The following ZNF704 variants were observed in gnomAD, a reference collection of about 807,000 sequenced individuals.
The protein encoded by ZNF704 is zinc finger protein 704, also known as glucocorticoid induced gene 1.
A neutral mutation model predicts 44.7 loss-of-function variants in ZNF704; 10 were observed. That is an observed-to-expected ratio of 0.22 (90% CI 0.14 to 0.38). ZNF704 has a LOEUF of 0.38. ZNF704 is among the 10% of genes least tolerant of loss of function. The pLI, the probability that ZNF704 is intolerant of heterozygous loss-of-function variation, is 1.00. For missense variants in ZNF704, 390 were observed against 545.5 expected, an observed-to-expected ratio of 0.71 and a Z score of 2.84; for synonymous variants, 211 against 207.6, an observed-to-expected ratio of 1.02 and a Z score of -0.14.
intron 2 of ZNF704, among the ~76,000 whole-genome samples, chr8:80,784,090 T>C (rs1807577095): frequency 6.6e-6 from 1 of 152,226 alleles, no homozygotes; most frequent in African/African-American, 2.4e-5. Context: ...ATATGTCTTT[T>C]TGTGGCTTGA....
Position 80,863,773 on chromosome 8 carries a change from T to C in ZNF704, c.-22+10798A>G, listed in dbSNP as rs191196869. On this transcript the variant is annotated intron_variant, in intron 1 of 8. Transcript: ENST00000327835. ...TTAATCCCTTTACTTGTAATAGCAA[T>C]AGCGTTGACAGAAAATGTATCAGTC... Among the ~76,000 whole-genome samples, 3 of 152,326 alleles carry C rather than the reference T, an allele frequency of 2.0e-5. No homozygotes were observed. The East Asian group carries it at 5.8e-4, about 29-fold the overall frequency.
chr8:80,693,383 C>A (rs1184628258), intron 2 of ZNF704, among the ~76,000 whole-genome samples: 1 of 152,238 alleles, frequency 6.6e-6, no homozygotes, highest in East Asian at 1.9e-4. Context: ...TCTGTTCTAG[C>A]CACGAGTGAT....
At chr8:80,706,444 G>C (rs1401241519) in intron 2 of ZNF704, among the ~76,000 whole-genome samples, 1 of 152,036 alleles carries the variant, frequency 6.6e-6, no homozygotes. Context: ...CATTATGTTG[G>C]CAACAGACTG....
intron 2 of ZNF704, among the ~76,000 whole-genome samples, chr8:80,710,720 A>G (rs1018748537): frequency 2.0e-5 from 3 of 152,184 alleles, no homozygotes; most frequent in Non-Finnish European, 4.4e-5. Context: ...ACCTTCAACC[A>G]AAAACTGAAT....
chr8:80,710,249 A>G (rs1184877126), intron 2 of ZNF704, among the ~76,000 whole-genome samples: 1 of 151,966 alleles, frequency 6.6e-6, no homozygotes, highest in East Asian at 1.9e-4. Flanking sequence ...CCCAGGGTAT[A>G]ATCAACCTCT....
intron 1 of ZNF704, among the ~76,000 whole-genome samples, chr8:80,838,095 T>TC (rs1406251363): frequency 6.6e-6 from 1 of 152,042 alleles, no homozygotes; most frequent in East Asian, 1.9e-4. Flanking sequence ...TACTCTGAGC[T>TC]CCCCATCCTC....
intron 7 of ZNF704, among the ~76,000 whole-genome samples, chr8:80,655,507 T>C (rs1818000273): frequency 6.6e-6 from 1 of 152,142 alleles, no homozygotes; most frequent in South Asian, 2.1e-4. Context: ...CATTATACAG[T>C]GCTTAGACAC....
At chr8:80,688,927 C>G (rs936616586) in intron 3 of ZNF704, among the ~76,000 whole-genome samples, 27 of 147,628 alleles carry the variant, frequency 1.8e-4, no homozygotes, top group African/African-American at 6.3e-4. Flanking sequence ...CCACTGCACT[C>G]CAGCCTGGGC....
At chr8:80,667,243 C>T (rs970675137) in intron 5 of ZNF704, among the ~76,000 whole-genome samples, 3 of 152,150 alleles carry the variant, frequency 2.0e-5, no homozygotes, top group African/African-American at 2.4e-5. Flanking sequence ...CAGCCCACGG[C>T]GATGGCTTTG....
In ZNF704 at chr8:80,654,593, T is replaced by C. The variant is rs1248263827; in HGVS notation, c.1032+4992A>G. Among the ~76,000 whole-genome samples, 8 of 152,096 alleles carry C rather than the reference T, an allele frequency of 5.3e-5. No homozygotes were observed. In the East Asian group the frequency reaches 5.8e-4, roughly 11 times the overall value. On this transcript the variant is annotated intron_variant, in intron 7 of 8. Transcript: ENST00000327835. ...CGGCCAAAAGACACATGAAAAAATG[T>C]TCATCATCACTGGCCATCAGAGAAA...
chr8:80,854,522 T>A (rs1380188842), intron 1 of ZNF704, among the ~76,000 whole-genome samples: 1 of 152,214 alleles, frequency 6.6e-6, no homozygotes, highest in Non-Finnish European at 1.5e-5. Context: ...AAAAGACTTG[T>A]AAGATAGCAA....
chr8:80,814,637 T>TGA (rs934311385), intron 2 of ZNF704, among the ~76,000 whole-genome samples: 7 of 152,236 alleles, frequency 4.6e-5, no homozygotes, highest in African/African-American at 1.4e-4. Context: ...TTCTCTAACA[T>TGA]GAGTGAGTAC....
chr8:80,741,285 C>T (rs568680583), intron 2 of ZNF704, among the ~76,000 whole-genome samples: 1 of 152,282 alleles, frequency 6.6e-6, no homozygotes, highest in South Asian at 2.1e-4. Flanking sequence ...AGGCCCTAAC[C>T]CAAGCCCCAG....
intron 2 of ZNF704, among the ~76,000 whole-genome samples, chr8:80,725,142 G>T (rs760651515): frequency 2.0e-5 from 3 of 152,134 alleles, no homozygotes; most frequent in Non-Finnish European, 2.9e-5. Context: ...AAATGTTAGG[G>T]CACTTAAATA....
intron 2 of ZNF704, among the ~76,000 whole-genome samples, chr8:80,766,050 C>T (rs1807221877): frequency 6.6e-6 from 1 of 152,092 alleles, no homozygotes; most frequent in Non-Finnish European, 1.5e-5. Context: ...CCAATTACTA[C>T]TCCTTCTCTT....
intron 2 of ZNF704, among the ~76,000 whole-genome samples, chr8:80,709,485 A>G (rs2131656934): frequency 6.9e-6 from 1 of 145,180 alleles, no homozygotes; most frequent in East Asian, 2.0e-4. Context: ...CAGTAATGGC[A>G]TGTCAGTTTG....
At chr8:80,811,594 G>C (rs748569833) in intron 2 of ZNF704, among the ~76,000 whole-genome samples, 38 of 152,202 alleles carry the variant, frequency 2.5e-4, no homozygotes, top group Non-Finnish European at 4.6e-4. Context: ...GGCACAGTTA[G>C]TGGCTATCGA....
At chr8:80,764,764 T>C (rs1807199057) in intron 2 of ZNF704, among the ~76,000 whole-genome samples, 1 of 152,214 alleles carries the variant, frequency 6.6e-6, no homozygotes, top group East Asian at 1.9e-4. Context: ...TTTTAAACTT[T>C]TATCTTTCAC....
In ZNF704 at chr8:80,628,487, G is replaced by A. The variant is rs1414220529; in HGVS notation, c.*12879C>T. 1 of 152,184 alleles carries A rather than the reference G, an allele frequency of 6.6e-6. No homozygotes were observed. The highest frequency in any genetic ancestry group is 1.5e-5 in the Non-Finnish European group (1 of 68,030). 9.4% of individuals were successfully genotyped at this position (152,184 alleles called of 1,614,324 possible). A position where few individuals can be genotyped will look rare whatever the true frequency, so the allele number is the denominator to read the frequency against. On this transcript the variant is annotated 3_prime_UTR_variant, in exon 9 of 9. Transcript: ENST00000327835. ...ACACAAAAACTTTTATTAAGTGGAA[G>A]TTAGACTTACTTCATGGTAATTAAC...
Sources: allele counts gnomAD v4.1 joint callset (sites outside exome capture counted in the v4.1 genomes callset), GRCh38; gene constraint gnomAD v4.1.1; transcripts MANE v1.5; gene names NCBI Gene and HGNC (gene_info 2026-07-23, HGNC 2026-07-21).